The following SLAMF7 variants were observed in gnomAD, a reference collection of about 807,000 sequenced individuals.
SLAMF7 encodes SLAM family member 7.
SLAMF7 carries 26 observed loss-of-function variants against 34.1 expected under a neutral mutation model. That is an observed-to-expected ratio of 0.76 (90% CI 0.56 to 1.06). SLAMF7 has a LOEUF of 1.06. Among genes scored for constraint, SLAMF7 ranks in the 50% least tolerant of loss-of-function variants. The pLI is 0.00. For missense variants in SLAMF7, 399 were observed against 402.5 expected, an observed-to-expected ratio of 0.99 and a Z score of 0.07; for synonymous variants, 171 against 156.4, an observed-to-expected ratio of 1.09 and a Z score of -0.70.
intron 1 of SLAMF7, among the ~76,000 whole-genome samples, chr1:160,743,097 C>T (rs1293562179): frequency 6.6e-6 from 1 of 152,188 alleles, no homozygotes; most frequent in Non-Finnish European, 1.5e-5. Flanking sequence ...GCCTCTAATC[C>T]TGTGGACCAA....
chr1:160,739,365 G>A lies in SLAMF7; in HGVS notation c.55+9G>A, dbSNP rs755674796. 39 of 1,610,996 alleles carry A rather than the reference G, an allele frequency of 2.4e-5. No individual in the cohort carries two copies. Among genetic ancestry groups the A allele is most frequent in the Admixed American group, 8.4e-5 (5 of 59,668 alleles). ...CCTTTGGCAGCTCACAGGTGAGTCC[G>A]GCCGGATTCTCTTCCACTCTCCTGT... On this transcript the variant is annotated intron_variant, in intron 1 of 6. Transcript: ENST00000368043.
chr1:160,742,080 A>G (rs1044230332), intron 1 of SLAMF7, among the ~76,000 whole-genome samples: 9 of 151,878 alleles, frequency 5.9e-5, no homozygotes, highest in Non-Finnish European at 1.2e-4. Context: ...CTGCTTTATC[A>G]CCATCCCTTG....
chr1:160,751,317 C>G, intron 4 of SLAMF7, 28 bp from the exon 5 acceptor site: 1 of 1,537,642 alleles, frequency 6.5e-7, no homozygotes, highest in Non-Finnish European at 9.0e-7. Flanking sequence ...GGAGAGGTGG[C>G]TTTGATTCTC....
At chr1:160,751,304 G>A in intron 4 of SLAMF7, 41 bp from the exon 5 acceptor site, 1 of 1,428,168 alleles carries the variant, frequency 7.0e-7, no homozygotes, top group Non-Finnish European at 9.9e-7. Context: ...GTGGTGAGTG[G>A]TTGGAGAGGT....
At chr1:160,752,548 T>C (rs1664718619) in intron 6 of SLAMF7, among the ~76,000 whole-genome samples, 1 of 152,134 alleles carries the variant, frequency 6.6e-6, no homozygotes, top group Non-Finnish European at 1.5e-5. Flanking sequence ...AAAAAGACCA[T>C]GGCTTAGATT....
intron 2 of SLAMF7, among the ~76,000 whole-genome samples, chr1:160,748,751 C>G (rs748628151): frequency 6.6e-6 from 1 of 152,180 alleles, no homozygotes; most frequent in Non-Finnish European, 1.5e-5. Context: ...TCGCATAGAT[C>G]AAGGTCAAAT....
chr1:160,743,367 G>A (rs1663889610), intron 1 of SLAMF7, among the ~76,000 whole-genome samples: 1 of 152,176 alleles, frequency 6.6e-6, no homozygotes, highest in African/African-American at 2.4e-5. Context: ...AGGGGAGGGA[G>A]GAGGCCGGGA....
Position 160,753,344 on chromosome 1 carries a change from T to G in SLAMF7, c.*167T>G, listed in dbSNP as rs1360348579. Reference sequence around the variant, plus strand: ...TCTGATGCTTCTTTAGATTTAAGAGTTCATAATTCCATCCACTGCTGAGAA... The same window carrying G: ...TCTGATGCTTCTTTAGATTTAAGAGGTCATAATTCCATCCACTGCTGAGAA... On this transcript the variant is annotated 3_prime_UTR_variant, in exon 7 of 7. Coordinates refer to ENST00000368043, the MANE Select transcript of SLAMF7 (RefSeq NM_021181.5). 1 of 627,430 alleles carries G rather than the reference T, an allele frequency of 1.6e-6. No homozygotes were observed. Among genetic ancestry groups the G allele is most frequent in the African/African-American group, 1.8e-5 (1 of 54,304 alleles). 38.9% of individuals were successfully genotyped at this position (627,430 alleles called of 1,614,324 possible).
chr1:160,751,890 A>C (rs1375978376), intron 5 of SLAMF7: 2 of 140,836 alleles, frequency 1.4e-5, no homozygotes, highest in African/African-American at 2.8e-5. Context: ...ATATATATAT[A>C]TATATATATA....
chr1:160,751,111 AC>A (rs1294574723), intron 4 of SLAMF7: 1 of 488,320 alleles, frequency 2.0e-6, no homozygotes, highest in Non-Finnish European at 3.7e-6. Flanking sequence ...TCCCACTTTG[AC>A]CACCTTGATG....
chr1:160,748,544 G>C (rs772667457), intron 2 of SLAMF7, 30 bp downstream of exon 2: 3 of 1,581,746 alleles, frequency 1.9e-6, no homozygotes, highest in Non-Finnish European at 2.6e-6. Context: ...ATGGTGGATG[G>C]CTGCCTTGGT....
Position 160,754,437 on chromosome 1 carries a change from A to G in SLAMF7, c.*1260A>G, listed in dbSNP as rs2101692413. ...ACTGCACTCCGGCCTAGGCAACGAG[A>G]GCAAAACTCCAATACAAACAAACAA... is the stretch of plus-strand genomic sequence containing the variant. On this transcript the variant is annotated 3_prime_UTR_variant, in exon 7 of 7. Transcript: ENST00000368043. 1 of 152,506 alleles carries G rather than the reference A, an allele frequency of 6.6e-6. No individual in the cohort carries two copies. The highest frequency in any genetic ancestry group is 1.9e-4 in the East Asian group (1 of 5,192). 9.4% of individuals were successfully genotyped at this position (152,506 alleles called of 1,614,324 possible).
rs934241220 is a variant in SLAMF7 at position 160,753,550 on chromosome 1, A to G, written c.*373A>G. On this transcript the variant is annotated 3_prime_UTR_variant, in exon 7 of 7. Transcript: ENST00000368043. ...AGGTCAGTGTCTGGAGTTTCATTCCATCCCAGGGCTTGGATGTCAGGATTA... is the reference window on the plus strand; with the variant it reads ...AGGTCAGTGTCTGGAGTTTCATTCCGTCCCAGGGCTTGGATGTCAGGATTA... 5.1e-6 allele frequency: 1 copy of G among 195,448 alleles called. No individual in the cohort carries two copies. Among genetic ancestry groups the G allele is most frequent in the African/African-American group, 2.4e-5 (1 of 42,382 alleles). The allele number at this position is 195,448 out of a possible 1,614,324, so 12.1% of individuals were successfully genotyped here.
At chr1:160,751,237 C>T in intron 4 of SLAMF7, 108 bp from the exon 5 acceptor site, 1 of 770,224 alleles carries the variant, frequency 1.3e-6, no homozygotes, top group South Asian at 1.6e-5. Flanking sequence ...TACAAGGAAA[C>T]TCGGCTGGTT....
At chr1:160,743,072 T>A (rs968867210) in intron 1 of SLAMF7, among the ~76,000 whole-genome samples, 1 of 152,208 alleles carries the variant, frequency 6.6e-6, no homozygotes, top group African/African-American at 2.4e-5. Flanking sequence ...GGTGACCCCA[T>A]CATTGGGTGA....
chr1:160,753,049 G>A (rs1282135589), intron 6 of SLAMF7, 57 bp from the exon 7 acceptor site: 3 of 1,532,888 alleles, frequency 2.0e-6, no homozygotes, highest in South Asian at 1.1e-5. Context: ...GGTCTCCATG[G>A]ACGATCCAGA....
At chr1:160,739,583 T>A in intron 1 of SLAMF7, 1 of 432,344 alleles carries the variant, frequency 2.3e-6, no homozygotes, top group Middle Eastern at 5.2e-4. Context: ...GTCCCAGGGA[T>A]GAAGGAGCTG....
chr1:160,750,152 T>A, intron 3 of SLAMF7, 59 bp downstream of exon 3: 1 of 1,586,904 alleles, frequency 6.3e-7, no homozygotes, highest in Non-Finnish European at 8.6e-7. Flanking sequence ...CTTCTTCAGC[T>A]CCTAGCCCCC....
rs981720195 is a variant in SLAMF7 at position 160,748,341 on chromosome 1, G to A, written c.203G>A (p.Gly68Asp). The part of the protein sequence containing the change: ...TPLVTIQPEG[G>D]TIIVTQNRNR... ...CTTGTCACCATACAGCCAGAAGGGG[G>A]CACTATCATAGTGACCCAAAATCGT... is the stretch of plus-strand genomic sequence containing the variant. Residue 68 changes from glycine (G) to aspartate (D), a missense_variant, in exon 2 of 7, where the codon GGC becomes GAC. Gly to Asp is a moderately conservative substitution (Grantham distance 94, BLOSUM62 -1). Coordinates refer to ENST00000368043, the MANE Select transcript of SLAMF7 (RefSeq NM_021181.5). The A allele has an allele frequency of 6.2e-7, 1 of 1,613,912 alleles. No individual in the cohort carries two copies. Among genetic ancestry groups the A allele is most frequent in the African/African-American group, 1.3e-5 (1 of 74,888 alleles).
Sources: gnomAD v4.1 joint callset for allele counts (sites outside exome capture counted in the v4.1 genomes callset) on GRCh38, gnomAD v4.1.1 for gene constraint, MANE v1.5 for transcripts, NCBI Gene and HGNC (gene_info 2026-07-23, HGNC 2026-07-21) for gene names.